Variants in WIPF3 observed in about 807,000 individuals in gnomAD.
WIPF3 encodes WAS/WASL interacting protein family member 3, also known as WAS/WASL-interacting protein family member 3.
WIPF3 carries 33 observed loss-of-function variants against 38.9 expected under a neutral mutation model. The ratio of observed to expected loss-of-function variants is 0.85; its 90% CI spans 0.64 to 1.14. WIPF3 has a LOEUF of 1.14. WIPF3 is among the 50% of genes most tolerant of loss of function. The probability of loss-of-function intolerance (pLI) is 0.00; values close to 1 mark genes in which losing one functional copy is unlikely to be tolerated. For synonymous variants in WIPF3, 324 were observed against 269.3 expected (o/e 1.20, Z -1.99); for missense variants, 711 against 652.5 (o/e 1.09, Z -0.98).
intron 7 of WIPF3, among the ~76,000 whole-genome samples, chr7:29,900,429 A>G (rs541492439): frequency 6.6e-6 from 1 of 152,276 alleles, no homozygotes; most frequent in African/African-American, 2.4e-5. Flanking sequence ...GCACCTGTGG[A>G]CAGGAAGTGA....
In WIPF3 at chr7:29,884,057, C is replaced by T. The variant is rs766255648; in HGVS notation, c.563C>T (p.Pro188Leu). The change falls in exon 5 of 9, where the codon CCG becomes CTG. Residue 188 changes from proline to leucine, a missense_variant. Physicochemically the swap from Pro to Leu is moderately conservative, Grantham distance 98. Transcript: ENST00000242140. ...TPPPPPPPLP[P>L]PLPSSSPIKT... ...CCCCCTCCGCCTCCACCCTTACCCC[C>T]GCCCCTTCCCTCTTCCTCCCCCATC... is the stretch of plus-strand genomic sequence containing the variant. 8 of 1,421,084 alleles carry T rather than the reference C, an allele frequency of 5.6e-6. No homozygotes were observed. In the South Asian group the frequency reaches 7.1e-5, roughly 13 times the overall value. The allele number at this position is 1,421,084 out of a possible 1,614,324, so 88.0% of individuals were successfully genotyped here. A position where few individuals can be genotyped will look rare whatever the true frequency, so the allele number is the denominator to read the frequency against.
intron 1 of WIPF3, among the ~76,000 whole-genome samples, chr7:29,820,415 GTTTGTTATTATT>G (rs1271146632): frequency 6.6e-6 from 1 of 151,942 alleles, no homozygotes; most frequent in South Asian, 2.1e-4. Context: ...TGGCAGATAT[GTTTGTTATTATT>G]TTTGTTATGT....
chr7:29,866,183 C>T (rs749625088), intron 2 of WIPF3, among the ~76,000 whole-genome samples: 1 of 152,182 alleles, frequency 6.6e-6, no homozygotes, highest in African/African-American at 2.4e-5. Context: ...TCTAGATTCA[C>T]TTACATTATC....
At chr7:29,879,704 C>A (rs186994088) in intron 4 of WIPF3, among the ~76,000 whole-genome samples, 3 of 152,330 alleles carry the variant, frequency 2.0e-5, no homozygotes, top group Non-Finnish European at 2.9e-5. Context: ...TCTTATATTT[C>A]TCATATTTTT....
intron 4 of WIPF3, among the ~76,000 whole-genome samples, chr7:29,881,506 A>G (rs1785715517): frequency 6.6e-6 from 1 of 152,218 alleles, no homozygotes; most frequent in Non-Finnish European, 1.5e-5. Context: ...TCAGAAGAAA[A>G]CATATGACCT....
At chr7:29,885,339 A>T (rs1177179241) in intron 5 of WIPF3, among the ~76,000 whole-genome samples, 1 of 152,204 alleles carries the variant, frequency 6.6e-6, no homozygotes, top group Non-Finnish European at 1.5e-5. Context: ...AGATACACCC[A>T]CATCCACACA....
At chr7:29,868,537 C>T (rs200195764) in intron 2 of WIPF3, among the ~76,000 whole-genome samples, 2 of 114,788 alleles carry the variant, frequency 1.7e-5, no homozygotes, top group East Asian at 3.0e-4. Context: ...TATATATATA[C>T]ACACACATAC....
rs926997521 is a variant in WIPF3, at chr7:29,878,080, A to G, written c.224-929A>G. Among the ~76,000 whole-genome samples, 6 of 151,016 alleles carry G rather than the reference A, an allele frequency of 4.0e-5. No homozygotes were observed. The East Asian group carries it at 1.2e-3, about 29-fold the overall frequency. ...AAATTTTTAAAGAAATATTTTCAAC[A>G]TTGAGAAATATTTTCAACATTGAGT... On this transcript the variant is annotated intron_variant, in intron 3 of 8. Transcript: ENST00000242140. The surrounding 1 kb of genome is among the most constrained non-coding windows in gnomAD (Gnocchi z 4.0).
chr7:29,827,100 G>A (rs1370527343), intron 1 of WIPF3, among the ~76,000 whole-genome samples: 1 of 152,196 alleles, frequency 6.6e-6, no homozygotes, highest in Non-Finnish European at 1.5e-5. Context: ...TTGCTTCACT[G>A]TTATCTAGAG....
chr7:29,890,272 A>T (rs910613121), intron 7 of WIPF3, among the ~76,000 whole-genome samples: 7 of 151,324 alleles, frequency 4.6e-5, no homozygotes, highest in African/African-American at 1.5e-4. Context: ...GGATTGCTTG[A>T]GCCCAGGAGT....
At chr7:29,828,589 A>T (rs1402774326) in intron 1 of WIPF3, among the ~76,000 whole-genome samples, 1 of 152,204 alleles carries the variant, frequency 6.6e-6, no homozygotes. Context: ...CTTTTGGAAG[A>T]GGGAAGTAGG....
Position 29,869,164 on chromosome 7 carries a change from G to C in WIPF3, c.91-6666G>C, listed in dbSNP as rs536461928. Reference sequence around the variant, plus strand: ...CCTGCCTCAGCCTCCCAAGTAGCTGGGATTACAGGCATGTGCCACACACCT... The same window carrying C: ...CCTGCCTCAGCCTCCCAAGTAGCTGCGATTACAGGCATGTGCCACACACCT... On this transcript the variant is annotated intron_variant, in intron 2 of 8. Transcript: ENST00000242140. 4.3e-4 allele frequency among the ~76,000 whole-genome samples: 54 copies of C among 125,582 alleles called. 2 individuals carry two copies. The South Asian group carries it at 8.3e-3, about 19-fold the overall frequency. 82.4% of individuals were successfully genotyped at this position (125,582 alleles called of 152,430 possible).
chr7:29,847,360 G>A (rs1562776535), intron 2 of WIPF3, among the ~76,000 whole-genome samples: 1 of 152,114 alleles, frequency 6.6e-6, no homozygotes, highest in Non-Finnish European at 1.5e-5. Context: ...AAAAATAGGT[G>A]GTATGGGACC....
At chr7:29,838,262 G>A (rs778829538) in intron 2 of WIPF3, among the ~76,000 whole-genome samples, 4 of 152,056 alleles carry the variant, frequency 2.6e-5, no homozygotes, top group African/African-American at 9.7e-5. Flanking sequence ...TAGGAACTAG[G>A]CACTTATAAC....
At chr7:29,881,301 T>A (rs573793149) in intron 4 of WIPF3, among the ~76,000 whole-genome samples, 1 of 152,198 alleles carries the variant, frequency 6.6e-6, no homozygotes, top group Admixed American at 6.5e-5. Flanking sequence ...GAAGCTAAGC[T>A]CCGTGAAGGC....
At chr7:29,856,638 A>G (rs1295953303) in intron 2 of WIPF3, among the ~76,000 whole-genome samples, 2 of 152,200 alleles carry the variant, frequency 1.3e-5, no homozygotes, top group Admixed American at 6.5e-5. Flanking sequence ...CTCAAAAGAA[A>G]AACCAAACAA....
At chr7:29,813,952 G>A (rs1784419980) in intron 1 of WIPF3, among the ~76,000 whole-genome samples, 1 of 148,556 alleles carries the variant, frequency 6.7e-6, no homozygotes, top group Admixed American at 6.7e-5. Flanking sequence ...ACAGGGTTTC[G>A]CTCTGTCACC....
Position 29,915,552 on chromosome 7 carries a change from C to A in WIPF3, c.*1036C>A, listed in dbSNP as rs1786598929. 1 of 152,236 alleles carries A rather than the reference C, an allele frequency of 6.6e-6. No homozygotes were observed. Among genetic ancestry groups the A allele is most frequent in the African/African-American group, 2.4e-5 (1 of 41,454 alleles). 9.4% of individuals were successfully genotyped at this position (152,236 alleles called of 1,614,324 possible). The stretch of plus-strand genomic sequence containing the variant: ...CACCCGTCAGGCAAAACCTAGCTCC[C>A]TTCTGAGCTAAAGGAGAACCTTGCC... On this transcript the variant is annotated 3_prime_UTR_variant, in exon 9 of 9. Coordinates refer to ENST00000242140, the MANE Select transcript of WIPF3 (RefSeq NM_001080529.3).
chr7:29,834,691 C>A lies in WIPF3; in HGVS notation c.-34C>A. The A allele has an allele frequency of 6.9e-7, 1 of 1,456,866 alleles. No homozygotes were observed. The highest frequency in any genetic ancestry group is 9.0e-7 in the Non-Finnish European group (1 of 1,106,954). 90.2% of individuals were successfully genotyped at this position (1,456,866 alleles called of 1,614,324 possible). ...AGAGCAGAAGCCACTCTCTTGGGAC[C>A]ATTCATAAGCAGGAGACATCAACAC... On this transcript the variant is annotated 5_prime_UTR_variant, in exon 2 of 9. Transcript: ENST00000242140.
Sources: gnomAD v4.1 joint callset for allele counts (sites outside exome capture counted in the v4.1 genomes callset) on GRCh38, gnomAD v4.1.1 for gene constraint, Gnocchi (gnomAD v3.1) non-coding constraint, MANE v1.5 for transcripts, NCBI Gene and HGNC (gene_info 2026-07-23, HGNC 2026-07-21) for gene names.